The following LARGE1 variants were observed in gnomAD, a reference collection of about 807,000 sequenced individuals.
LARGE1 encodes xylosyl- and glucuronyltransferase LARGE1.
Under a neutral mutation model 87.6 loss-of-function variants are expected in LARGE1, and 43 were observed. The observed-to-expected ratio is 0.49, with a 90% CI of 0.38 to 0.63. The LOEUF (loss-of-function observed/expected upper bound fraction) is 0.63, where lower values mean the gene tolerates loss of function less well. Ranked by LOEUF, LARGE1 falls within the 30% of genes least tolerant of loss-of-function variation. LARGE1 has a pLI of 0.00. For synonymous variants in LARGE1, 434 were observed against 394.6 expected (o/e 1.10, Z -1.18); for missense variants, 802 against 1,000.2 (o/e 0.80, Z 2.67).
chr22:33,254,066 C>G (rs1028957800), intron 11 of LARGE1, among the ~76,000 whole-genome samples: 1 of 152,162 alleles, frequency 6.6e-6, no homozygotes, highest in South Asian at 2.1e-4. Context: ...AAAGTGGGAG[C>G]AAACAGGCTG....
intron 2 of LARGE1, among the ~76,000 whole-genome samples, chr22:33,655,553 T>A (rs375231861): frequency 8.5e-5 from 13 of 152,168 alleles, no homozygotes; most frequent in African/African-American, 3.1e-4. Flanking sequence ...TCAGCTTCCA[T>A]AATCATGCAA....
intron 6 of LARGE1, among the ~76,000 whole-genome samples, chr22:33,487,332 C>T (rs1468798696): frequency 1.3e-5 from 2 of 152,196 alleles, no homozygotes; most frequent in Non-Finnish European, 2.9e-5. Flanking sequence ...GTCCTCATCA[C>T]AGGTCTGCTG....
chr22:33,142,803 C>A, the LARGE1 span, among the ~76,000 whole-genome samples: 2 of 152,154 alleles, frequency 1.3e-5, no homozygotes, highest in Non-Finnish European at 1.5e-5. Flanking sequence ...TCAATTAATT[C>A]AATTTTGATT....
At chr22:33,240,714 A>C (rs377512684) in intron 11 of LARGE1, among the ~76,000 whole-genome samples, 5 of 152,282 alleles carry the variant, frequency 3.3e-5, no homozygotes, top group African/African-American at 1.2e-4. Flanking sequence ...CATTGCACTG[A>C]ACTCGTGGAT....
intron 7 of LARGE1, among the ~76,000 whole-genome samples, chr22:33,410,651 A>G (rs1364888229): frequency 1.3e-5 from 2 of 151,978 alleles, no homozygotes; most frequent in Non-Finnish European, 2.9e-5. Flanking sequence ...TTTCCTTTAT[A>G]AATTACCCAG....
At chr22:33,367,828 A>AT (rs2064653327) in intron 9 of LARGE1, among the ~76,000 whole-genome samples, 1 of 152,030 alleles carries the variant, frequency 6.6e-6, no homozygotes, top group Admixed American at 6.6e-5. Context: ...AAGGATATAC[A>AT]TTTCCTTACA....
At chr22:33,636,135 G>A (rs1444325407) in intron 3 of LARGE1, among the ~76,000 whole-genome samples, 1 of 152,156 alleles carries the variant, frequency 6.6e-6, no homozygotes, top group African/African-American at 2.4e-5. Flanking sequence ...AGCCACCTGA[G>A]AAATCAGAAA....
At position 33,709,979 on chromosome 22, in the gene LARGE1, GAAAAAAA is replaced by G. The variant is rs5845106; in HGVS notation, c.106+51385_106+51391del. ...TCTCTCATCAGACCTTTGCTAGGCAGAAAAAAAAAAAAAAAAAAAAAGGAAAACTTCA... is the reference window on the plus strand; with the variant it reads ...TCTCTCATCAGACCTTTGCTAGGCAGAAAAAAAAAAAAAAGGAAAACTTCA... On this transcript the variant is annotated intron_variant, in intron 2 of 14. Transcript: ENST00000397394. 3.6e-3 allele frequency among the ~76,000 whole-genome samples: 322 copies of G among 88,808 alleles called. 2 individuals are homozygous for G. Among genetic ancestry groups the G allele is most frequent in the African/African-American group, 9.7e-3 (249 of 25,580 alleles). The allele number at this position is 88,808 out of a possible 152,430, so 58.3% of individuals were successfully genotyped here.
intron 1 of LARGE1, among the ~76,000 whole-genome samples, chr22:33,829,169 T>C (rs935935636): frequency 2.6e-5 from 4 of 151,802 alleles, no homozygotes; most frequent in African/African-American, 4.8e-5. Context: ...CCACCGTGCC[T>C]GGCTAATTTT....
chr22:33,890,693 T>A (rs4821195), intron 1 of LARGE1, among the ~76,000 whole-genome samples: 1 of 151,522 alleles, frequency 6.6e-6, no homozygotes, highest in Non-Finnish European at 1.5e-5. Context: ...TGCAAAATTC[T>A]CAGATCTATT....
chr22:33,228,350 CTACATTGT>C (rs1209554946), intron 11 of LARGE1, among the ~76,000 whole-genome samples: 1 of 152,236 alleles, frequency 6.6e-6, no homozygotes. Context: ...ACACTGACTG[CTACATTGT>C]TAGGCAAACA....
intron 2 of LARGE1, among the ~76,000 whole-genome samples, chr22:33,756,290 A>G (rs2084510724): frequency 6.6e-6 from 1 of 152,180 alleles, no homozygotes; most frequent in South Asian, 2.1e-4. Flanking sequence ...TCCCGGCACT[A>G]CAGTAGGTGC....
At chr22:33,381,855 C>G in intron 9 of LARGE1, 64 bp downstream of exon 9, 1 of 1,599,876 alleles carries the variant, frequency 6.3e-7, no homozygotes, top group Non-Finnish European at 8.6e-7. Flanking sequence ...GCCATCCATG[C>G]CCCTGGGAGG....
intron 13 of LARGE1, among the ~76,000 whole-genome samples, chr22:33,282,579 T>C (rs550640938): frequency 1.3e-5 from 2 of 152,202 alleles, no homozygotes; most frequent in East Asian, 1.9e-4. Flanking sequence ...GGGAGCTCCC[T>C]TGCAATGTTC....
intron 11 of LARGE1, among the ~76,000 whole-genome samples, chr22:33,215,690 CT>C (rs1216665413): frequency 1.3e-5 from 2 of 152,164 alleles, no homozygotes; most frequent in Non-Finnish European, 2.9e-5. Flanking sequence ...GGCGTGGTGG[CT>C]CACGCCTTTA....
chr22:33,487,805 G>A (rs1270957239), intron 6 of LARGE1, among the ~76,000 whole-genome samples: 1 of 152,100 alleles, frequency 6.6e-6, no homozygotes, highest in African/African-American at 2.4e-5. Context: ...AGACCTCTTG[G>A]GCACTTGATG....
intron 5 of LARGE1, among the ~76,000 whole-genome samples, chr22:33,570,626 A>G (rs992582698): frequency 7.5e-6 from 1 of 133,074 alleles, no homozygotes; most frequent in African/African-American, 2.9e-5. Context: ...CCAGCCTGGC[A>G]ATGGAGCGAG....
chr22:33,259,349 A>C (rs200707211), intron 11 of LARGE1, among the ~76,000 whole-genome samples: 4 of 134,398 alleles, frequency 3.0e-5, no homozygotes, highest in African/African-American at 8.1e-5. Context: ...CACACACACA[A>C]ACACACACAT....
intron 6 of LARGE1, among the ~76,000 whole-genome samples, chr22:33,438,809 T>C (rs2067365002): frequency 6.6e-6 from 1 of 152,244 alleles, no homozygotes; most frequent in African/African-American, 2.4e-5. Flanking sequence ...CCCACCTGTG[T>C]ATGATTTGAC....
Sources: allele counts gnomAD v4.1 joint callset (sites outside exome capture counted in the v4.1 genomes callset), GRCh38; gene constraint gnomAD v4.1.1; transcripts MANE v1.5; gene names NCBI Gene and HGNC (gene_info 2026-07-23, HGNC 2026-07-21).